The following RASAL2 variants were observed in gnomAD, a reference collection of about 807,000 sequenced individuals.
RASAL2 encodes RAS protein activator like 2.
In RASAL2, 58 loss-of-function variants were observed where a neutral mutation model predicts 128.9. The ratio of observed to expected loss-of-function variants is 0.45; its 90% CI spans 0.36 to 0.56. The LOEUF is 0.56. RASAL2 is among the 20% of genes least tolerant of loss of function. RASAL2 has a pLI of 0.00. For missense variants in RASAL2, 1,360 were observed against 1,601.6 expected (o/e 0.85, Z 2.57); for synonymous variants, 561 against 580.8 (o/e 0.97, Z 0.49).
At chr1:178,134,305 TG>T (rs1660227787) in intron 1 of RASAL2, among the ~76,000 whole-genome samples, 1 of 151,814 alleles carries the variant, frequency 6.6e-6, no homozygotes, top group East Asian at 1.9e-4. Flanking sequence ...TAGAGCTGTT[TG>T]GGTAATCTCA....
At chr1:178,277,891 C>G (rs1666599538) in intron 1 of RASAL2, among the ~76,000 whole-genome samples, 1 of 152,150 alleles carries the variant, frequency 6.6e-6, no homozygotes, top group Admixed American at 6.5e-5. Context: ...CTTTATAAAG[C>G]TTTCTCTGGA....
chr1:178,257,759 C>T (rs1356710702), intron 1 of RASAL2, among the ~76,000 whole-genome samples: 1 of 150,462 alleles, frequency 6.6e-6, no homozygotes, highest in Non-Finnish European at 1.5e-5. Context: ...GGAGAATCAC[C>T]TGAGCCCGTG....
chr1:178,224,036 CA>C (rs987795713), intron 1 of RASAL2, among the ~76,000 whole-genome samples: 4 of 151,960 alleles, frequency 2.6e-5, no homozygotes, highest in African/African-American at 7.3e-5. Context: ...TCAAAGAAGA[CA>C]AAGTATGAAC....
chr1:178,109,353 C>T (rs901450815), intron 1 of RASAL2, among the ~76,000 whole-genome samples: 4 of 152,148 alleles, frequency 2.6e-5, no homozygotes, highest in Non-Finnish European at 4.4e-5. Flanking sequence ...TCTCTTGCCT[C>T]AGTCTCCCAG....
At position 178,458,407 on chromosome 1, in the gene RASAL2, G is replaced by A. The variant is rs368617203; in HGVS notation, c.3115G>A (p.Gly1039Arg). 1.9e-5 allele frequency: 30 copies of A among 1,614,202 alleles called. No homozygotes were observed. Among genetic ancestry groups the A allele is most frequent in the South Asian group, 6.6e-5 (6 of 91,088 alleles). Residue 1039 changes from glycine to arginine, a missense_variant, in exon 14 of 18, where the codon GGG (glycine) becomes AGG (arginine). This residue lies in a region of RASAL2 where 741 missense variants were observed against 868.6 expected (regional missense o/e 0.85). Transcript: ENST00000367649. ...ACACAGTGCTTCTTTACGTAGCACC[G>A]GGAGCATGTCAGTGGTGTCCGCAGC... ...LPHSASLRST[G>R]SMSVVSAALV...
chr1:178,095,413 G>T (rs926429972), intron 1 of RASAL2, among the ~76,000 whole-genome samples: 2 of 107,068 alleles, frequency 1.9e-5, no homozygotes, highest in Non-Finnish European at 4.8e-5. Context: ...AACCATGCTG[G>T]TTTTGAAAAC....
Position 178,439,527 on chromosome 1 carries a change from A to G in RASAL2, c.780A>G (p.Ser260=). Residue 260 remains serine, a synonymous_variant, in exon 6 of 18, where the codon TCA becomes TCG. Transcript: ENST00000367649. ...CLDLGRGEPV[S]VKPLHSSILG... is the part of the protein sequence containing the mutation. ...ATCTTGGTAGAGGGGAACCTGTATC[A>G]GTGAAACCACTTCATAGTAGCATCC... 1.2e-6 allele frequency: 2 copies of G among 1,613,096 alleles called. No individual in the cohort carries two copies. The highest frequency in any genetic ancestry group is 1.7e-6 in the Non-Finnish European group (2 of 1,179,336).
At chr1:178,215,684 C>T (rs1239255580) in intron 1 of RASAL2, among the ~76,000 whole-genome samples, 2 of 152,158 alleles carry the variant, frequency 1.3e-5, no homozygotes, top group Non-Finnish European at 2.9e-5. Context: ...TACTCCTCTC[C>T]TCAGAAAAGG....
chr1:178,380,362 A>G lies in RASAL2; in HGVS notation c.458-9738A>G, dbSNP rs144360263. Reference sequence around the variant, plus strand: ...AATTAGAAGAAAAAATAACAATTTAATATACATAAAGGAGAGTGGTCCTAA... The same window carrying G: ...AATTAGAAGAAAAAATAACAATTTAGTATACATAAAGGAGAGTGGTCCTAA... On this transcript the variant is annotated intron_variant, in intron 3 of 17. Coordinates refer to ENST00000367649, the MANE Select transcript of RASAL2 (RefSeq NM_170692.4). 3.3e-5 allele frequency among the ~76,000 whole-genome samples: 5 copies of G among 152,334 alleles called. No individual in the cohort carries two copies. The East Asian group carries it at 9.6e-4, about 29-fold the overall frequency.
At chr1:178,272,678 A>G (rs568003944) in intron 1 of RASAL2, among the ~76,000 whole-genome samples, 3 of 152,324 alleles carry the variant, frequency 2.0e-5, no homozygotes, top group African/African-American at 7.2e-5. Context: ...CTGTAATCCT[A>G]GCACTTTGGG....
At chr1:178,178,000 T>C (rs945695444) in intron 1 of RASAL2, among the ~76,000 whole-genome samples, 9 of 152,184 alleles carry the variant, frequency 5.9e-5, no homozygotes, top group African/African-American at 2.2e-4. Flanking sequence ...TATTTCTCTT[T>C]TGTGATTATA....
At chr1:178,321,361 C>T (rs1233324478) in intron 3 of RASAL2, among the ~76,000 whole-genome samples, 4 of 152,290 alleles carry the variant, frequency 2.6e-5, no homozygotes, top group African/African-American at 7.2e-5. Context: ...GCTGCAATTA[C>T]AGGCGTGAGC....
At chr1:178,270,508 T>G (rs971136291) in intron 1 of RASAL2, among the ~76,000 whole-genome samples, 14 of 152,114 alleles carry the variant, frequency 9.2e-5, no homozygotes, top group African/African-American at 3.4e-4. Context: ...TTAAAAAATA[T>G]CTTATTTTTG....
rs1557861611 is a variant in RASAL2 at position 178,260,366 on chromosome 1, AT to A, written c.203-23197del. 6.7e-4 allele frequency among the ~76,000 whole-genome samples: 13 copies of A among 19,294 alleles called. 4 individuals carry two copies. Among genetic ancestry groups the A allele is most frequent in the Admixed American group, 1.2e-3 (2 of 1,624 alleles). 12.7% of individuals were successfully genotyped at this position (19,294 alleles called of 152,430 possible). A position where few individuals can be genotyped will look rare whatever the true frequency, so the allele number is the denominator to read the frequency against. On this transcript the variant is annotated intron_variant, in intron 1 of 17. Coordinates refer to ENST00000367649, the MANE Select transcript of RASAL2 (RefSeq NM_170692.4). ...GACTCGTCTCAAAAAAAAAAAAAAT[AT>A]ATATATATATATATATATATATATA...
At chr1:178,220,995 C>T (rs969072627) in intron 1 of RASAL2, among the ~76,000 whole-genome samples, 4 of 152,154 alleles carry the variant, frequency 2.6e-5, no homozygotes, top group Non-Finnish European at 5.9e-5. Flanking sequence ...AAGAAACTGC[C>T]AAATCGTCTT....
chr1:178,253,310 A>T (rs371135824), intron 1 of RASAL2, among the ~76,000 whole-genome samples: 6 of 152,022 alleles, frequency 3.9e-5, no homozygotes, highest in African/African-American at 1.5e-4. Context: ...ATATGACTTT[A>T]CCTTAACTTA....
chr1:178,349,402 G>A (rs1670340952), intron 3 of RASAL2, among the ~76,000 whole-genome samples: 1 of 151,944 alleles, frequency 6.6e-6, no homozygotes, highest in African/African-American at 2.4e-5. Context: ...CCAGCCTGGC[G>A]ACAGAGTGAG....
In RASAL2 at chr1:178,458,336, A is replaced by C. The variant is rs1204289047; in HGVS notation, c.3044A>C (p.Asp1015Ala). The change falls in exon 14 of 18, where the codon GAC (aspartate) becomes GCC (alanine). Residue 1015 changes from aspartate (D) to alanine (A), a missense_variant. This residue lies in a region of RASAL2 where 741 missense variants were observed against 868.6 expected (regional missense o/e 0.85). Coordinates refer to ENST00000367649, the MANE Select transcript of RASAL2 (RefSeq NM_170692.4). The part of the protein sequence containing the change: ...STGQAQIRKV[D>A]QGGLGARAKA... ...GGGCAGGCCCAGATCCGAAAAGTGG[A>C]CCAGGGTGGGTTAGGTGCCCGAGCC... The C allele has an allele frequency of 3.1e-6, 5 of 1,614,198 alleles. No individual in the cohort carries two copies. The highest frequency in any genetic ancestry group is 4.2e-6 in the Non-Finnish European group (5 of 1,180,038).
intron 3 of RASAL2, chr1:178,389,219 C>G: frequency 2.1e-6 from 2 of 960,756 alleles, no homozygotes; most frequent in Non-Finnish European, 2.5e-6. Flanking sequence ...TTTTCCTTGT[C>G]CATGTTGAGA....
Sources: gnomAD v4.1 joint callset for allele counts (sites outside exome capture counted in the v4.1 genomes callset) on GRCh38, gnomAD v4.1.1 for gene constraint, gnomAD v4.1.1 regional missense constraint, MANE v1.5 for transcripts, NCBI Gene and HGNC (gene_info 2026-07-23, HGNC 2026-07-21) for gene names.